The following SPOCK1 variants were observed in gnomAD, a reference collection of about 807,000 sequenced individuals.
The protein encoded by SPOCK1 is testican-1.
A neutral mutation model predicts 55.3 loss-of-function variants in SPOCK1; 23 were observed. That is an observed-to-expected ratio of 0.42 (90% confidence interval 0.30 to 0.59). SPOCK1 has a LOEUF of 0.59. SPOCK1 is among the 20% of genes least tolerant of loss of function. SPOCK1 has a pLI of 0.22. For missense variants in SPOCK1, 499 were observed against 552.5 expected, an observed-to-expected ratio of 0.90 and a Z score of 0.97; for synonymous variants, 226 against 221.0, an observed-to-expected ratio of 1.02 and a Z score of -0.20.
At chr5:137,212,523 G>A (rs975186797) in intron 3 of SPOCK1, among the ~76,000 whole-genome samples, 4 of 152,142 alleles carry the variant, frequency 2.6e-5, no homozygotes, top group African/African-American at 9.7e-5. Flanking sequence ...TATGTGTCAG[G>A]CACTGTGGAT....
At chr5:137,306,322 T>C (rs1184461980) in intron 2 of SPOCK1, among the ~76,000 whole-genome samples, 1 of 152,150 alleles carries the variant, frequency 6.6e-6, no homozygotes, top group African/African-American at 2.4e-5. Flanking sequence ...GAAGTTCTCA[T>C]CCAATAGGAG....
At chr5:137,413,942 T>TCCCTCCA (rs1362208666) in intron 2 of SPOCK1, among the ~76,000 whole-genome samples, 2 of 152,040 alleles carry the variant, frequency 1.3e-5, no homozygotes, top group African/African-American at 4.8e-5. Flanking sequence ...GAAATTACCC[T>TCCCTCCA]CCCTCCACCC....
chr5:137,251,938 G>C (rs965981346), intron 3 of SPOCK1, among the ~76,000 whole-genome samples: 3 of 151,770 alleles, frequency 2.0e-5, no homozygotes, highest in African/African-American at 7.3e-5. Context: ...ATTTTTCTTC[G>C]AGACAGAGTC....
chr5:137,131,711 G>T (rs1358437715), intron 4 of SPOCK1, among the ~76,000 whole-genome samples: 1 of 151,496 alleles, frequency 6.6e-6, no homozygotes. Flanking sequence ...GGTAGCTCAC[G>T]CCTGTAATCC....
intron 2 of SPOCK1, among the ~76,000 whole-genome samples, chr5:137,462,356 C>G (rs1399405790): frequency 2.0e-5 from 3 of 152,212 alleles, no homozygotes; most frequent in Admixed American, 2.0e-4. Context: ...TTCAGGCATT[C>G]AGCCCAAAGT....
chr5:137,369,469 G>T (rs1249698508), intron 2 of SPOCK1, among the ~76,000 whole-genome samples: 1 of 152,090 alleles, frequency 6.6e-6, no homozygotes, highest in Non-Finnish European at 1.5e-5. Context: ...ACCCCAACAG[G>T]CAATATCCAC....
chr5:137,320,754 G>C (rs1480330893), intron 2 of SPOCK1, among the ~76,000 whole-genome samples: 1 of 152,172 alleles, frequency 6.6e-6, no homozygotes, highest in African/African-American at 2.4e-5. Flanking sequence ...TCTCTAGCTG[G>C]GCTGATTGCT....
chr5:137,342,490 T>C (rs1750453603), intron 2 of SPOCK1, among the ~76,000 whole-genome samples: 1 of 152,214 alleles, frequency 6.6e-6, no homozygotes, highest in Admixed American at 6.5e-5. Context: ...GTAAGACTTG[T>C]TGTCTCAAGA....
At chr5:137,271,437 A>G (rs954270823) in intron 2 of SPOCK1, among the ~76,000 whole-genome samples, 7 of 150,414 alleles carry the variant, frequency 4.7e-5, no homozygotes, top group African/African-American at 1.7e-4. Context: ...TATGTTTTTC[A>G]TACACATAAA....
chr5:137,410,901 C>G (rs940831605), intron 2 of SPOCK1, among the ~76,000 whole-genome samples: 10 of 152,200 alleles, frequency 6.6e-5, no homozygotes, highest in African/African-American at 2.4e-4. Context: ...GAAATACCAC[C>G]TTGAGAAGAG....
In SPOCK1 at chr5:137,124,910, C is replaced by T. The variant is rs537782652; in HGVS notation, c.348-12349G>A. Among the ~76,000 whole-genome samples the T allele has an allele frequency of 5.9e-5, 9 of 152,326 alleles. No individual in the cohort carries two copies. The South Asian group carries it at 1.7e-3, about 28-fold the overall frequency. ...CAGGGTGCAGAGTCTAGTTATGTTG[C>T]TCTTTCTCAAGAACAGGGCCACTTT... On this transcript the variant is annotated intron_variant, in intron 4 of 10. Transcript: ENST00000394945.
chr5:137,399,639 T>C (rs928980825), intron 2 of SPOCK1, among the ~76,000 whole-genome samples: 3 of 152,118 alleles, frequency 2.0e-5, no homozygotes, highest in Admixed American at 2.0e-4. Flanking sequence ...CAAAGACCAG[T>C]GTAGACCAGA....
At chr5:137,393,286 A>C (rs1751766255) in intron 2 of SPOCK1, among the ~76,000 whole-genome samples, 1 of 152,150 alleles carries the variant, frequency 6.6e-6, no homozygotes. Flanking sequence ...GATAGGACAC[A>C]AGCAGAAGCT....
intron 6 of SPOCK1, among the ~76,000 whole-genome samples, chr5:137,066,988 A>ACACT (rs1752519302): frequency 1.2e-5 from 1 of 84,134 alleles, no homozygotes; most frequent in African/African-American, 4.2e-5. Context: ...ACACACACAC[A>ACACT]GAGAGAGAGA....
At chr5:137,238,754 C>T (rs376313562) in intron 3 of SPOCK1, among the ~76,000 whole-genome samples, 11 of 152,170 alleles carry the variant, frequency 7.2e-5, no homozygotes, top group East Asian at 5.8e-4. Flanking sequence ...TTCCTTAACA[C>T]GATAAAATAT....
chr5:136,991,802 C>A (rs1449580566), intron 7 of SPOCK1, among the ~76,000 whole-genome samples: 1 of 152,112 alleles, frequency 6.6e-6, no homozygotes, highest in Non-Finnish European at 1.5e-5. Context: ...ATGTGAGGAC[C>A]CACTCTGAGT....
intron 3 of SPOCK1, among the ~76,000 whole-genome samples, chr5:137,245,265 A>G (rs181030221): frequency 1.3e-5 from 2 of 149,128 alleles, no homozygotes; most frequent in African/African-American, 4.8e-5. Flanking sequence ...TATTAAAAAA[A>G]TCAATCATCT....
chr5:137,151,845 A>G (rs577951997), intron 3 of SPOCK1, among the ~76,000 whole-genome samples: 52 of 152,296 alleles, frequency 3.4e-4, no homozygotes, highest in African/African-American at 1.2e-3. Flanking sequence ...AGTTCCCCAG[A>G]TATATTAAAA....
At chr5:137,212,455 A>G (rs1416263392) in intron 3 of SPOCK1, among the ~76,000 whole-genome samples, 1 of 152,212 alleles carries the variant, frequency 6.6e-6, no homozygotes, top group Non-Finnish European at 1.5e-5. Context: ...ATCCCTTTAA[A>G]CCATAATTCT....
Sources: allele counts gnomAD v4.1 joint callset (sites outside exome capture counted in the v4.1 genomes callset), GRCh38; gene constraint gnomAD v4.1.1; transcripts MANE v1.5; gene names NCBI Gene and HGNC (gene_info 2026-07-23, HGNC 2026-07-21).